Variants in MTA3 observed in about 807,000 individuals in gnomAD.
MTA3 encodes the protein metastasis-associated protein MTA3.
Under a neutral mutation model 83.5 loss-of-function variants are expected in MTA3, and 34 were observed. The ratio of observed to expected loss-of-function variants is 0.41; its 90% confidence interval spans 0.31 to 0.54. The LOEUF (loss-of-function observed/expected upper bound fraction) is 0.54, where lower values mean the gene tolerates loss of function less well. MTA3 is among the 20% of genes least tolerant of loss of function. The pLI is 0.33. For synonymous variants in MTA3, 303 were observed against 252.7 expected, an observed-to-expected ratio of 1.20 and a Z score of -1.89; for missense variants, 761 against 726.4, an observed-to-expected ratio of 1.05 and a Z score of -0.55.
chr2:42,701,098 T>TA (rs1693819175), intron 11 of MTA3, among the ~76,000 whole-genome samples: 3 of 151,804 alleles, frequency 2.0e-5, no homozygotes, highest in Middle Eastern at 3.4e-3. Context: ...ACCCTGTCTC[T>TA]AAAAAAATTA....
chr2:42,723,938 G>A (rs1017838692), intron 16 of MTA3, among the ~76,000 whole-genome samples: 2 of 152,122 alleles, frequency 1.3e-5, no homozygotes, highest in Admixed American at 6.5e-5. Context: ...TGTCAAAAAT[G>A]TGTAAAACAG....
intron 4 of MTA3, among the ~76,000 whole-genome samples, chr2:42,620,767 T>C (rs75982380): frequency 0.035 from 5,307 of 152,302 alleles, 118 homozygotes; most frequent in Non-Finnish European, 0.051. Flanking sequence ...GTGTTGGGAT[T>C]ACGGGGATGA....
chr2:42,627,290 G>T (rs540385131), intron 4 of MTA3, among the ~76,000 whole-genome samples: 9 of 151,990 alleles, frequency 5.9e-5, no homozygotes, highest in African/African-American at 1.2e-4. Flanking sequence ...GTTGTCCAGG[G>T]TGGTCTCTAA....
chr2:42,542,586 C>G (rs563343618), intron 2 of MTA3, among the ~76,000 whole-genome samples: 2 of 152,150 alleles, frequency 1.3e-5, no homozygotes, highest in African/African-American at 2.4e-5. Flanking sequence ...GAGTCTCACT[C>G]TGTTGCCCAG....
chr2:42,630,034 C>T (rs985282501), intron 4 of MTA3, among the ~76,000 whole-genome samples: 1 of 152,042 alleles, frequency 6.6e-6, no homozygotes, highest in African/African-American at 2.4e-5. Flanking sequence ...CCTTGGCCTC[C>T]CCAAGTGCTA....
intron 2 of MTA3, among the ~76,000 whole-genome samples, chr2:42,503,320 A>G (rs990724954): frequency 6.6e-5 from 10 of 152,226 alleles, no homozygotes; most frequent in African/African-American, 2.2e-4. Flanking sequence ...GAGGACGACC[A>G]GAGGTCACCT....
intron 8 of MTA3, among the ~76,000 whole-genome samples, chr2:42,667,918 A>G (rs1389273522): frequency 6.6e-6 from 1 of 152,218 alleles, no homozygotes; most frequent in Non-Finnish European, 1.5e-5. Flanking sequence ...TGCTATGAAC[A>G]AAGGTGTACA....
chr2:42,582,715 G>A lies in MTA3; in HGVS notation c.190+3515G>A, dbSNP rs183148565. Among the ~76,000 whole-genome samples the A allele has an allele frequency of 5.7e-3, 866 of 152,298 alleles. 10 individuals are homozygous for A. Among genetic ancestry groups the A allele is most frequent in the Middle Eastern group, 6.8e-3 (2 of 294 alleles). On this transcript the variant is annotated intron_variant, in intron 3 of 16. Transcript: ENST00000405094. ...TGGTAGAGCATCTGCTGACTGGAGA[G>A]TCTCAGCATGACAGCATCTTGGTCT... is the stretch of plus-strand genomic sequence containing the variant.
At chr2:42,645,439 C>G (rs1558538077) in intron 6 of MTA3, among the ~76,000 whole-genome samples, 1 of 152,044 alleles carries the variant, frequency 6.6e-6, no homozygotes. Context: ...GCAAGAGAAT[C>G]CTTTGAACCT....
intron 16 of MTA3, chr2:42,752,187 G>A (rs1333511391): frequency 2.1e-6 from 1 of 471,092 alleles, no homozygotes; most frequent in Admixed American, 2.3e-5. Flanking sequence ...TACTTGCTGA[G>A]CTCATATCAA....
chr2:42,557,175 G>A (rs375289830), intron 2 of MTA3, among the ~76,000 whole-genome samples: 16 of 152,224 alleles, frequency 1.1e-4, no homozygotes, highest in South Asian at 1.0e-3. Flanking sequence ...CACAGGAGGC[G>A]GAGGTTGCAG....
chr2:42,653,544 T>A (rs77656706), intron 6 of MTA3, among the ~76,000 whole-genome samples: 2,203 of 152,326 alleles, frequency 0.014, 51 homozygotes, highest in African/African-American at 0.049. Flanking sequence ...GGGAATCTCC[T>A]CTTAGTTTGA....
chr2:42,560,444 C>T (rs1677614111), intron 2 of MTA3, among the ~76,000 whole-genome samples: 1 of 151,600 alleles, frequency 6.6e-6, no homozygotes, highest in African/African-American at 2.4e-5. Context: ...AGTTCAAGAC[C>T]AGCCTGGCCA....
At chr2:42,560,289 G>A (rs975474027) in intron 2 of MTA3, among the ~76,000 whole-genome samples, 29 of 151,620 alleles carry the variant, frequency 1.9e-4, no homozygotes, top group African/African-American at 5.6e-4. Flanking sequence ...CCCAAAGTGC[G>A]TGAGGCACTG....
intron 8 of MTA3, among the ~76,000 whole-genome samples, chr2:42,682,004 C>T (rs998613518): frequency 3.3e-5 from 5 of 151,972 alleles, no homozygotes; most frequent in Admixed American, 2.6e-4. Flanking sequence ...CCCAGGAGTT[C>T]GAGACCAGCC....
chr2:42,704,156 C>T (rs746547909), intron 11 of MTA3, 38 bp from the exon 12 acceptor site: 3 of 1,600,386 alleles, frequency 1.9e-6, no homozygotes, highest in South Asian at 2.2e-5. Flanking sequence ...CCTTATTGTA[C>T]AAATCATTTT....
intron 10 of MTA3, 112 bp from the exon 11 acceptor site, chr2:42,697,664 G>A: frequency 1.4e-6 from 1 of 713,476 alleles, no homozygotes; most frequent in Non-Finnish European, 2.3e-6. Flanking sequence ...GCTTAAGATG[G>A]TAATTTTTGA....
intron 2 of MTA3, among the ~76,000 whole-genome samples, chr2:42,516,200 C>A (rs1327178839): frequency 6.6e-6 from 1 of 152,158 alleles, no homozygotes; most frequent in African/African-American, 2.4e-5. Context: ...CAGGCATGAG[C>A]CACCGCTCCT....
chr2:42,557,227 C>T (rs952406358), intron 2 of MTA3, among the ~76,000 whole-genome samples: 6 of 151,554 alleles, frequency 4.0e-5, no homozygotes, highest in Non-Finnish European at 7.4e-5. Flanking sequence ...TGGGAGGAGC[C>T]GAGATCGCGC....
Sources: gnomAD v4.1 joint callset for allele counts (sites outside exome capture counted in the v4.1 genomes callset) on GRCh38, gnomAD v4.1.1 for gene constraint, MANE v1.5 for transcripts, NCBI Gene and HGNC (gene_info 2026-07-23, HGNC 2026-07-21) for gene names.